The following HOXB3 variants were observed in gnomAD, a reference collection of about 807,000 sequenced individuals.
HOXB3 encodes the protein homeobox B3, also known as homeobox protein Hox-B3.
In HOXB3, 17 loss-of-function variants were observed where a neutral mutation model predicts 29.2. The observed-to-expected ratio is 0.58, with a 90% CI of 0.40 to 0.87. The LOEUF is 0.87. Ranked by LOEUF, HOXB3 falls within the 40% of genes least tolerant of loss-of-function variation. HOXB3 has a pLI of 0.00. For synonymous variants in HOXB3, 317 were observed against 285.9 expected (o/e 1.11, Z -1.10); for missense variants, 637 against 616.3 (o/e 1.03, Z -0.35).
At chr17:48,575,877 G>A (rs1411304437) in intron 1 of HOXB3, 1 of 152,520 alleles carries the variant, frequency 6.6e-6, no homozygotes, top group East Asian at 1.9e-4. Context: ...GAACTCAACT[G>A]GCCCCTCACC....
At chr17:48,586,405 C>G (rs2070046532) in intron 1 of HOXB3, among the ~76,000 whole-genome samples, 1 of 152,164 alleles carries the variant, frequency 6.6e-6, no homozygotes, top group African/African-American at 2.4e-5. Context: ...TCCGCCTAAA[C>G]CTGCCGGCGT....
chr17:48,581,109 A>C (rs959605193), intron 1 of HOXB3: 3 of 152,176 alleles, frequency 2.0e-5, no homozygotes, highest in African/African-American at 7.2e-5. Context: ...ACACAAAAAC[A>C]ACCCTCTAAC....
At chr17:48,586,378 A>G (rs2070045774) in intron 1 of HOXB3, among the ~76,000 whole-genome samples, 1 of 152,174 alleles carries the variant, frequency 6.6e-6, no homozygotes, top group African/African-American at 2.4e-5. Flanking sequence ...AAATTCGCCA[A>G]AAGAAAGAAC....
intron 1 of HOXB3, chr17:48,579,909 A>G (rs772649724): frequency 1.1e-5 from 6 of 522,156 alleles, no homozygotes; most frequent in Non-Finnish European, 2.3e-5. Context: ...CCTTACACAA[A>G]TTCGGATCTA....
intron 2 of HOXB3, among the ~76,000 whole-genome samples, chr17:48,559,386 A>G (rs773651627): frequency 5.9e-5 from 9 of 152,126 alleles, no homozygotes; most frequent in Non-Finnish European, 1.2e-4. Context: ...CTCAATCCAC[A>G]CAAAATTTGC....
chr17:48,577,792 C>G, intron 1 of HOXB3: 1 of 1,282,290 alleles, frequency 7.8e-7, no homozygotes, highest in Non-Finnish European at 1.0e-6. Flanking sequence ...CCCCCCCCAA[C>G]CCATGCCTCC....
intron 1 of HOXB3, chr17:48,580,302 C>G (rs910089294): frequency 1.3e-5 from 2 of 153,788 alleles, no homozygotes; most frequent in African/African-American, 5.0e-5. Flanking sequence ...CGCGCCCCTC[C>G]CCTCCCCCCA....
In HOXB3 at chr17:48,550,105, T is replaced by C. The variant is rs182653717; in HGVS notation, c.*229A>G. 7 of 557,182 alleles carry C rather than the reference T, an allele frequency of 1.3e-5. No individual in the cohort carries two copies. The East Asian group carries it at 1.9e-4, about 15-fold the overall frequency. The allele number at this position is 557,182 out of a possible 1,614,324, so 34.5% of individuals were successfully genotyped here. ...GGGGTTGATGGGGTCATCTCCAATA[T>C]GATGTGGATTCCTTTCCGATGGGTT... On this transcript the variant is annotated 3_prime_UTR_variant, in exon 5 of 5. Coordinates refer to ENST00000498678, the MANE Select transcript of HOXB3 (RefSeq NM_001384749.1).
intron 3 of HOXB3, 158 bp downstream of exon 3, chr17:48,555,351 AGAGAGAGAGAGAGGGAGGGAGG>A (rs2068931554): frequency 2.0e-6 from 1 of 488,080 alleles, no homozygotes; most frequent in African/African-American, 3.8e-5. Context: ...AGAGAGAGAG[AGAGAGAGAGAGAGGGAGGGAGG>A]GAGGGAGGGA....
At chr17:48,568,872 G>T (rs1393749589) in intron 2 of HOXB3, among the ~76,000 whole-genome samples, 4 of 152,120 alleles carry the variant, frequency 2.6e-5, no homozygotes, top group Non-Finnish European at 5.9e-5. Context: ...AAATGAAGAT[G>T]GCTATTTGTC....
rs776239058 is a variant in HOXB3 at position 48,551,080 on chromosome 17, C to T, written c.550G>A (p.Gly184Arg). ...CGCGCCCGCTTGGACGCCGCCGACCCCGGGGGGCTCTTGTCCCCTCCCCCG... is the reference window on the plus strand; with the variant it reads ...CGCGCCCGCTTGGACGCCGCCGACCTCGGGGGGCTCTTGTCCCCTCCCCCG... Reference protein sequence around the residue: ...GGGGGDKSPPGSAASKRARTA... With the variant: ...GGGGGDKSPPRSAASKRARTA... Residue 184 changes from glycine (G) to arginine (R), a missense_variant, in exon 5 of 5, where the codon GGG (glycine) becomes AGG (arginine). By Grantham distance (125) the Gly-to-Arg change is moderately radical. Coordinates refer to ENST00000498678, the MANE Select transcript of HOXB3 (RefSeq NM_001384749.1). 6.6e-7 allele frequency: 1 copy of T among 1,513,620 alleles called. No homozygotes were observed. The highest frequency in any genetic ancestry group is 8.9e-7 in the Non-Finnish European group (1 of 1,126,234). The allele number at this position is 1,513,620 out of a possible 1,614,324, so 93.8% of individuals were successfully genotyped here. A position where few individuals can be genotyped will look rare whatever the true frequency, so the allele number is the denominator to read the frequency against.
intron 1 of HOXB3, chr17:48,578,018 GCCCC>G: frequency 9.3e-7 from 1 of 1,077,676 alleles, no homozygotes; most frequent in African/African-American, 1.7e-5. Flanking sequence ...CGGGAGGAGG[GCCCC>G]GGCGGGTGGC....
In HOXB3 at chr17:48,573,971, C is replaced by T. The variant is rs1248022372; in HGVS notation, c.-381G>A. 12 of 679,744 alleles carry T rather than the reference C, an allele frequency of 1.8e-5. No individual in the cohort carries two copies. The highest frequency in any genetic ancestry group is 1.6e-4 in the East Asian group (6 of 37,014). 42.1% of individuals were successfully genotyped at this position (679,744 alleles called of 1,614,324 possible). A position where few individuals can be genotyped will look rare whatever the true frequency, so the allele number is the denominator to read the frequency against. On this transcript the variant is annotated 5_prime_UTR_variant, in exon 2 of 5. Coordinates refer to ENST00000498678, the MANE Select transcript of HOXB3 (RefSeq NM_001384749.1). ...TTCCCCCTTGCAGATCCGGGAGAGACGGCTAACACTTTTTTCCCCCAACAG... is the reference window on the plus strand; with the variant it reads ...TTCCCCCTTGCAGATCCGGGAGAGATGGCTAACACTTTTTTCCCCCAACAG...
chr17:48,582,237 G>T (rs1310690814), intron 1 of HOXB3: 2 of 152,396 alleles, frequency 1.3e-5, no homozygotes, highest in Non-Finnish European at 2.9e-5. Flanking sequence ...GCGCACCGGC[G>T]GCGGCGGCGC....
At chr17:48,576,645 T>TC in intron 1 of HOXB3, 1 of 559,070 alleles carries the variant, frequency 1.8e-6, no homozygotes, top group South Asian at 3.3e-5. Flanking sequence ...CAGGGCCCCC[T>TC]CCTGTCCCCC....
At chr17:48,572,700 GT>G (rs1269904088) in intron 2 of HOXB3, among the ~76,000 whole-genome samples, 2 of 152,070 alleles carry the variant, frequency 1.3e-5, no homozygotes, top group South Asian at 4.1e-4. Context: ...AAATCTTTAC[GT>G]TTTTTTCCCC....
intron 2 of HOXB3, among the ~76,000 whole-genome samples, chr17:48,558,418 C>T (rs1200025308): frequency 6.6e-6 from 1 of 152,130 alleles, no homozygotes; most frequent in Non-Finnish European, 1.5e-5. Context: ...GAGAAAATCT[C>T]AGAGGACATA....
Position 48,558,403 on chromosome 17 carries a change from A to G in HOXB3, c.-246-2785T>C, listed in dbSNP as rs567311208. On this transcript the variant is annotated intron_variant, in intron 2 of 4. Transcript: ENST00000498678. ...AGAGGACCGAGAAGCAAGAAAATGA[A>G]CCTGGAGAAAATCTCAGAGGACATA... 7.9e-5 allele frequency among the ~76,000 whole-genome samples: 12 copies of G among 152,256 alleles called. No individual in the cohort carries two copies. In the East Asian group the frequency reaches 2.3e-3, roughly 29 times the overall value.
Position 48,551,009 on chromosome 17 carries a change from G to A in HOXB3, c.621C>T (p.Phe207=). 2 of 1,612,838 alleles carry A rather than the reference G, an allele frequency of 1.2e-6. No individual in the cohort carries two copies. Among genetic ancestry groups the A allele is most frequent in the Non-Finnish European group, 8.5e-7 (1 of 1,179,156 alleles). Residue 207 remains phenylalanine, a synonymous_variant, in exon 5 of 5, where the codon TTC becomes TTT. Coordinates refer to ENST00000498678, the MANE Select transcript of HOXB3 (RefSeq NM_001384749.1). ...SAQLVELEKE[F]HFNRYLCRPR... ...GCCGGCACAGGTAGCGGTTAAAATG[G>A]AACTCCTTCTCCAGCTCCACCAGCT...
Sources: gnomAD v4.1 joint callset for allele counts (sites outside exome capture counted in the v4.1 genomes callset) on GRCh38, gnomAD v4.1.1 for gene constraint, MANE v1.5 for transcripts, NCBI Gene and HGNC (gene_info 2026-07-23, HGNC 2026-07-21) for gene names.